Variants in USP9X observed in about 807,000 individuals in gnomAD.
USP9X encodes ubiquitin specific peptidase 9 X-linked.
USP9X carries 7 observed loss-of-function variants against 190.3 expected under a neutral mutation model. The observed-to-expected ratio is 0.04, with a 90% CI of 0.02 to 0.07. The LOEUF is 0.07. Ranked by LOEUF, USP9X falls within the 10% of genes least tolerant of loss-of-function variation. The probability of loss-of-function intolerance (pLI) is 1.00; values close to 1 mark genes in which losing one functional copy is unlikely to be tolerated. For synonymous variants in USP9X, 645 were observed against 659.5 expected (o/e 0.98, Z 0.34); for missense variants, 1,010 against 1,916.9 (o/e 0.53, Z 8.83).
At chrX:41,101,359 C>T (rs1464433186) in intron 1 of USP9X, among the ~76,000 whole-genome samples, 1 of 108,408 alleles carries the variant, frequency 9.2e-6, no homozygotes, top group African/African-American at 3.4e-5. Flanking sequence ...GCGGGTGGAT[C>T]ACGAGGTCAG....
intron 25 of USP9X, 134 bp from the exon 26 acceptor site, chrX:41,189,175 T>C (rs1387825865): frequency 1.5e-5 from 8 of 523,271 alleles, no homozygotes; most frequent in Non-Finnish European, 2.2e-5. Context: ...CCTCAAGAGT[T>C]AACATGCAGC....
In USP9X at chrX:41,167,877, T is replaced by C. The variant is rs2062691415; in HGVS notation, c.2425-130T>C. 4 of 492,698 alleles carry C rather than the reference T, an allele frequency of 8.1e-6. No individual in the cohort carries two copies. In the South Asian group the frequency reaches 1.4e-4, roughly 18 times the overall value. The allele number at this position is 492,698 out of a possible 1,213,427, so 40.6% of individuals were successfully genotyped here. On this transcript the variant is annotated intron_variant, in intron 17 of 44. Transcript: ENST00000378308. ...ACATTTTATTATTGTATGGATTCTC[T>C]ACTTAAATATGACTGTTGTTAATTG...
intron 1 of USP9X, among the ~76,000 whole-genome samples, chrX:41,089,643 C>T (rs754388131): frequency 2.5e-4 from 28 of 111,711 alleles, no homozygotes; most frequent in African/African-American, 8.8e-4. Flanking sequence ...CGTTTAGTGT[C>T]ACATGAAATT....
At chrX:41,127,493 A>G (rs905110408) in intron 2 of USP9X, among the ~76,000 whole-genome samples, 7 of 112,230 alleles carry the variant, frequency 6.2e-5, no homozygotes, top group Middle Eastern at 4.6e-3. Context: ...TGTGTAAACT[A>G]CCTGTATATC....
chrX:41,205,831 C>G (rs761057135), intron 32 of USP9X, among the ~76,000 whole-genome samples: 1 of 108,640 alleles, frequency 9.2e-6, no homozygotes, highest in Admixed American at 9.8e-5. Flanking sequence ...TGTGGCCAGC[C>G]TCATTTAATC....
At chrX:41,097,569 T>C (rs763859697) in intron 1 of USP9X, among the ~76,000 whole-genome samples, 148 of 112,151 alleles carry the variant, frequency 1.3e-3, no homozygotes, top group African/African-American at 4.5e-3. Flanking sequence ...TAAAGTTATG[T>C]ATGCTTTTAA....
At chrX:41,167,970 C>G in intron 17 of USP9X, 37 bp from the exon 18 acceptor site, 3 of 1,134,534 alleles carry the variant, frequency 2.6e-6, no homozygotes, top group Non-Finnish European at 3.6e-6. Flanking sequence ...CATTTTAAAG[C>G]AATTTTAACT....
intron 3 of USP9X, among the ~76,000 whole-genome samples, chrX:41,131,228 C>G (rs914943659): frequency 3.6e-5 from 4 of 111,553 alleles, no homozygotes; most frequent in Non-Finnish European, 7.5e-5. Context: ...TTTCTTCCCT[C>G]TCTTATTGCT....
chrX:41,092,973 A>G (rs1180612960), intron 1 of USP9X, among the ~76,000 whole-genome samples: 3 of 110,972 alleles, frequency 2.7e-5, no homozygotes, highest in African/African-American at 6.6e-5. Context: ...CCTGGGTTCA[A>G]GGCATCCTCG....
rs1038870252 is a variant in USP9X at position 41,085,900 on chromosome X, G to C, written c.-368G>C. The C allele has an allele frequency of 3.4e-6, 1 of 297,165 alleles. No individual in the cohort carries two copies. Among genetic ancestry groups the C allele is most frequent in the East Asian group, 4.8e-5 (1 of 20,956 alleles). The allele number at this position is 297,165 out of a possible 1,213,427, so 24.5% of individuals were successfully genotyped here. A position where few individuals can be genotyped will look rare whatever the true frequency, so the allele number is the denominator to read the frequency against. On this transcript the variant is annotated 5_prime_UTR_variant, in exon 1 of 45. Coordinates refer to ENST00000378308, the MANE Select transcript of USP9X (RefSeq NM_001039591.3). ...GAGGAGGAGGCGGGCGCGGCGAGGA[G>C]CGAGTTCCGGCGCCGGTGTGCAGCC...
intron 14 of USP9X, among the ~76,000 whole-genome samples, chrX:41,157,298 C>T (rs189616829): frequency 2.7e-5 from 3 of 111,409 alleles, no homozygotes; most frequent in Non-Finnish European, 3.8e-5. Flanking sequence ...TGCTAGTCTC[C>T]GAATGAGCAT....
intron 4 of USP9X, among the ~76,000 whole-genome samples, chrX:41,133,283 A>G (rs926631476): frequency 8.9e-6 from 1 of 111,805 alleles, no homozygotes; most frequent in African/African-American, 3.3e-5. Context: ...CACCACTCAG[A>G]ATTTTTTGTT....
chrX:41,198,232 A>G (rs1397077367), intron 29 of USP9X, among the ~76,000 whole-genome samples: 1 of 111,994 alleles, frequency 8.9e-6, no homozygotes, highest in Non-Finnish European at 1.9e-5. Flanking sequence ...AATGGGTTTA[A>G]TTTGCTATAC....
At chrX:41,200,378 G>A (rs1159598042) in intron 30 of USP9X, among the ~76,000 whole-genome samples, 1 of 111,485 alleles carries the variant, frequency 9.0e-6, no homozygotes, top group African/African-American at 3.3e-5. Flanking sequence ...TAATTAACTG[G>A]CCCCCTAGAC....
At chrX:41,125,684 A>ACACACACTCTCT in intron 2 of USP9X, among the ~76,000 whole-genome samples, 32 of 19,019 alleles carry the variant, frequency 1.7e-3, no homozygotes, top group East Asian at 5.8e-3. Context: ...ACACACACAC[A>ACACACACTCTCT]CTCTCTCTCT....
chrX:41,218,581 C>T lies in USP9X; in HGVS notation c.6419C>T (p.Pro2140Leu). The T allele has an allele frequency of 8.3e-7, 1 of 1,207,865 alleles. No individual in the cohort carries two copies. The part of the protein sequence containing the change: ...DGPCPSPFAS[P>L]GPSSQAYDNL... ...CCATGTCCTTCACCTTTTGCCTCTC[C>T]TGGACCTTCTAGTCAGGTAATTGCA... Residue 2140 changes from proline (P) to leucine (L), a missense_variant, in exon 37 of 45, where the codon CCT becomes CTT. Pro to Leu is a moderately conservative substitution (Grantham distance 98). Coordinates refer to ENST00000378308, the MANE Select transcript of USP9X (RefSeq NM_001039591.3).
At chrX:41,228,006 A>AT (rs1023005940) in intron 41 of USP9X, among the ~76,000 whole-genome samples, 5 of 109,908 alleles carry the variant, frequency 4.5e-5, no homozygotes, top group African/African-American at 9.9e-5. Flanking sequence ...ATCCCAGAAC[A>AT]TTTTTTTTTA....
In USP9X at chrX:41,170,255, A is replaced by T. The variant is rs747040347; in HGVS notation, c.2877+20A>T. 2 of 1,188,616 alleles carry T rather than the reference A, an allele frequency of 1.7e-6. No individual in the cohort carries two copies. Among genetic ancestry groups the T allele is most frequent in the Non-Finnish European group, 2.3e-6 (2 of 880,596 alleles). On this transcript the variant is annotated intron_variant, in intron 19 of 44. Transcript: ENST00000378308. ...AAATCGGTATGTATGTATAGTTAAC[A>T]GATTTTTCAATAAAATCAAACCAGA...
chrX:41,125,682 ACACTCT>A (rs1216981427), intron 2 of USP9X, among the ~76,000 whole-genome samples: 30 of 22,834 alleles, frequency 1.3e-3, no homozygotes, highest in Non-Finnish European at 1.8e-3. Flanking sequence ...ACACACACAC[ACACTCT>A]CTCTCTCTCT....
Sources: gnomAD v4.1 joint callset for allele counts (sites outside exome capture counted in the v4.1 genomes callset) on GRCh38, gnomAD v4.1.1 for gene constraint, MANE v1.5 for transcripts, NCBI Gene and HGNC (gene_info 2026-07-23, HGNC 2026-07-21) for gene names.